NDUFS2: variants seen among roughly 807,000 people sequenced by gnomAD.
NDUFS2 encodes NADH:ubiquinone oxidoreductase core subunit S2.
NDUFS2 carries 38 observed loss-of-function variants against 69.6 expected under a neutral mutation model. That is an observed-to-expected ratio of 0.55 (90% CI 0.42 to 0.72). NDUFS2 has a LOEUF of 0.72. Ranked by LOEUF, NDUFS2 falls within the 30% of genes least tolerant of loss-of-function variation. The pLI is 0.00. For synonymous variants in NDUFS2, 194 were observed against 211.2 expected, an observed-to-expected ratio of 0.92 and a Z score of 0.70; for missense variants, 468 against 595.0, an observed-to-expected ratio of 0.79 and a Z score of 2.22.
intron 1 of NDUFS2, among the ~76,000 whole-genome samples, chr1:161,202,697 ACT>A (rs1020487536): frequency 3.3e-5 from 5 of 151,664 alleles, no homozygotes; most frequent in Non-Finnish European, 5.9e-5. Flanking sequence ...GGAGTGGGAG[ACT>A]CTGCTTTTTA....
chr1:161,198,773 C>T (rs968294183), upstream of NDUFS2: 8 of 721,818 alleles, frequency 1.1e-5, no homozygotes, highest in East Asian at 8.4e-5. This position sits in a 1 kb window ranked among gnomAD's most constrained non-coding sequence, Gnocchi z 4.7. Context: ...GGCTGAGGAC[C>T]GTTAAAGGAA....
chr1:161,209,364 C>G, intron 4 of NDUFS2, 51 bp downstream of exon 4: 1 of 1,613,654 alleles, frequency 6.2e-7, no homozygotes, highest in East Asian at 2.2e-5. Context: ...AGCATAGTGC[C>G]TTTTCCACCA....
In NDUFS2 at chr1:161,202,694, G is replaced by A. The variant is rs369134572; in HGVS notation, c.95+214G>A. Among the ~76,000 whole-genome samples, 5 of 152,304 alleles carry A rather than the reference G, an allele frequency of 3.3e-5. No individual in the cohort carries two copies. In the East Asian group the frequency reaches 9.6e-4, roughly 29 times the overall value. On this transcript the variant is annotated intron_variant, in intron 1 of 13. Coordinates refer to ENST00000676972, the MANE Select transcript of NDUFS2 (RefSeq NM_001377299.1). ...TGCCGAGGTGAAATCAGCGGAGTGG[G>A]AGACTCTGCTTTTTAGCTTCAGTAA... is the stretch of plus-strand genomic sequence containing the variant.
chr1:161,206,697 T>TTG (rs1665487894), intron 3 of NDUFS2, 100 bp downstream of exon 3: 1 of 1,264,736 alleles, frequency 7.9e-7, no homozygotes, highest in African/African-American at 1.5e-5. Context: ...GAGGAAGGTG[T>TTG]TGAGAGGAGT....
At chr1:161,198,899 G>A, upstream of NDUFS2, 1 of 414,964 alleles carries the variant, frequency 2.4e-6, no homozygotes, top group Non-Finnish European at 4.3e-6. This position sits in a 1 kb window ranked among gnomAD's most constrained non-coding sequence, Gnocchi z 4.7. Flanking sequence ...TGTGTCTTCT[G>A]CAGCTTCTCT....
chr1:161,213,095 G>C, intron 10 of NDUFS2: 1 of 368,932 alleles, frequency 2.7e-6, no homozygotes, highest in South Asian at 2.2e-5. Context: ...AGTAGAGACG[G>C]GGTTTCACTC....
chr1:161,209,762 G>C (rs904462994), intron 5 of NDUFS2, 95 bp from the exon 6 acceptor site: 54 of 1,389,152 alleles, frequency 3.9e-5, no homozygotes, highest in Non-Finnish European at 5.4e-5. Flanking sequence ...ATGAGGGGTT[G>C]GTTGGGCACA....
intron 5 of NDUFS2, 49 bp from the exon 6 acceptor site, chr1:161,209,808 A>T: frequency 6.3e-7 from 1 of 1,589,650 alleles, no homozygotes. Context: ...CCATCATAGG[A>T]CCTGGGGGCC....
At chr1:161,209,130 A>G in intron 3 of NDUFS2, 63 bp from the exon 4 acceptor site, 6 of 1,611,816 alleles carry the variant, frequency 3.7e-6, no homozygotes, top group South Asian at 1.1e-5. Context: ...GCAAGGCTTC[A>G]GGCAGCCAGA....
chr1:161,209,319 TC>T lies in NDUFS2; in HGVS notation c.514+12del, dbSNP rs777586980. 32 of 1,614,072 alleles carry T rather than the reference TC, an allele frequency of 2.0e-5. No homozygotes were observed. Among genetic ancestry groups the T allele is most frequent in the Non-Finnish European group, 2.7e-5 (32 of 1,180,010 alleles). On this transcript the variant is annotated splice_region_variant and intron_variant, in intron 4 of 13. Transcript: ENST00000676972. Reference sequence around the variant, plus strand: ...TCGGGCACAGTGGATCCGAGGTATGTCCCCCCAACTTTTTCTGTGGCCCACT... The same window carrying T: ...TCGGGCACAGTGGATCCGAGGTATGTCCCCCAACTTTTTCTGTGGCCCACT...
Position 161,209,471 on chromosome 1 carries a change from T to C in NDUFS2, c.515-12T>C. On this transcript the variant is annotated splice_polypyrimidine_tract_variant and intron_variant, in intron 4 of 13. Coordinates refer to ENST00000676972, the MANE Select transcript of NDUFS2 (RefSeq NM_001377299.1). ...TTGGCTCCTATATCCTGTCTTCTCCTTGTCTTCACAGTGCTGTTTGGAGAA... is the reference window on the plus strand; with the variant it reads ...TTGGCTCCTATATCCTGTCTTCTCCCTGTCTTCACAGTGCTGTTTGGAGAA... 1 of 1,613,384 alleles carries C rather than the reference T, an allele frequency of 6.2e-7. No homozygotes were observed. The highest frequency in any genetic ancestry group is 8.5e-7 in the Non-Finnish European group (1 of 1,179,528).
At position 161,209,180 on chromosome 1, in the gene NDUFS2, T is replaced by C. The variant is rs748813229; in HGVS notation, c.394-13T>C. ...GCCTGTTAGATGTGACCCACATTCC[T>C]CCCTCTTCCCAGGCCCTTCCATACT... is the stretch of plus-strand genomic sequence containing the variant. On this transcript the variant is annotated splice_polypyrimidine_tract_variant and intron_variant, in intron 3 of 13. Transcript: ENST00000676972. 2 of 1,614,194 alleles carry C rather than the reference T, an allele frequency of 1.2e-6. No homozygotes were observed. The highest frequency in any genetic ancestry group is 1.7e-6 in the Non-Finnish European group (2 of 1,180,022).
At chr1:161,213,048 G>T (rs902331682) in intron 10 of NDUFS2, 1 of 346,668 alleles carries the variant, frequency 2.9e-6, no homozygotes, top group African/African-American at 2.1e-5. Flanking sequence ...GGGATTACAG[G>T]CACCCACCAC....
intron 8 of NDUFS2, 100 bp downstream of exon 8, chr1:161,210,489 C>T: frequency 6.2e-7 from 1 of 1,604,962 alleles, no homozygotes; most frequent in South Asian, 1.1e-5. Flanking sequence ...TCCTCCTAGT[C>T]ATACCCTGAA....
intron 3 of NDUFS2, among the ~76,000 whole-genome samples, chr1:161,208,580 G>T (rs887549764): frequency 6.6e-6 from 1 of 152,400 alleles, no homozygotes; most frequent in Admixed American, 6.5e-5. Context: ...GATTACAGGC[G>T]TGAGCCACGT....
At chr1:161,206,070 A>G (rs1196049413) in intron 2 of NDUFS2, among the ~76,000 whole-genome samples, 1 of 152,232 alleles carries the variant, frequency 6.6e-6, no homozygotes, top group Admixed American at 6.5e-5. Flanking sequence ...AATTAAATCA[A>G]TTAAAGTGCC....
chr1:161,202,014 T>C, upstream of NDUFS2: 3 of 384,946 alleles, frequency 7.8e-6, no homozygotes, highest in East Asian at 6.3e-5. Context: ...GACTAAAGCA[T>C]GAGGGCGGCC....
upstream of NDUFS2, chr1:161,198,115 GT>G: frequency 1.9e-6 from 3 of 1,614,000 alleles, no homozygotes; most frequent in South Asian, 3.3e-5. This position sits in a 1 kb window ranked among gnomAD's most constrained non-coding sequence, Gnocchi z 4.7. Flanking sequence ...CCCCAGCAGA[GT>G]TAGGGGTGCC....
Position 161,209,310 on chromosome 1 carries a change from C to G in NDUFS2, c.511C>G (p.Arg171Gly). The change falls in exon 4 of 14, where the codon CGA becomes GGA. Residue 171 changes from arginine (R) to glycine (G), a missense_variant. Around this residue, in one of 3 missense-constraint regions of NDUFS2, gnomAD observed 339 missense variants for 433.8 expected, o/e 0.78. Coordinates refer to ENST00000676972, the MANE Select transcript of NDUFS2 (RefSeq NM_001377299.1). ...GCCTCCTCCTCGGGCACAGTGGATC[C>G]GAGGTATGTCCCCCCAACTTTTTCT... Reference protein sequence around the residue: ...IRPPPRAQWIRVLFGEITRLL... With the variant: ...IRPPPRAQWIGVLFGEITRLL... 6.2e-7 allele frequency: 1 copy of G among 1,614,104 alleles called. No homozygotes were observed. The highest frequency in any genetic ancestry group is 8.5e-7 in the Non-Finnish European group (1 of 1,180,042).
Sources: allele counts gnomAD v4.1 joint callset (sites outside exome capture counted in the v4.1 genomes callset), GRCh38; gene constraint gnomAD v4.1.1; regional missense constraint gnomAD v4.1.1; non-coding constraint Gnocchi (gnomAD v3.1); transcripts MANE v1.5; gene names NCBI Gene and HGNC (gene_info 2026-07-23, HGNC 2026-07-21).